UTRN: variants seen among roughly 807,000 people sequenced by gnomAD.
The protein encoded by UTRN is dystrophin-related protein 1.
A neutral mutation model predicts 463.9 loss-of-function variants in UTRN; 283 were observed. The observed-to-expected ratio is 0.61, with a 90% CI of 0.55 to 0.67. The LOEUF is 0.67. Ranked by LOEUF, UTRN falls within the 30% of genes least tolerant of loss-of-function variation. The pLI is 0.00. For synonymous variants in UTRN, 1,442 were observed against 1,431.5 expected (o/e 1.01, Z -0.17); for missense variants, 3,922 against 4,084.3 (o/e 0.96, Z 1.08).
At position 144,819,037 on chromosome 6, in the gene UTRN, A is replaced by G. The variant is rs146096636; in HGVS notation, c.9358-1845A>G. ...TTTTTCTTCTGCACTTTTGCTTTGC[A>G]TTTGGGAAGCCCTATATCCATATAA... On this transcript the variant is annotated intron_variant, in intron 65 of 74. Transcript: ENST00000367545. Among the ~76,000 whole-genome samples, 663 of 151,740 alleles carry G rather than the reference A, an allele frequency of 4.4e-3. 2 individuals carry two copies. The highest frequency in any genetic ancestry group is 8.8e-3 in the Admixed American group (134 of 15,244).
At position 144,485,533 on chromosome 6, in the gene UTRN, A is replaced by T; in HGVS notation, c.3822+14A>T. ...GAAGCCCTGGAGGTTGGAACCCGTGATCTCCACGGCATTTCTCTTTGCTGT... is the reference window on the plus strand; with the variant it reads ...GAAGCCCTGGAGGTTGGAACCCGTGTTCTCCACGGCATTTCTCTTTGCTGT... On this transcript the variant is annotated intron_variant, in intron 28 of 74. Transcript: ENST00000367545. 1 of 1,614,024 alleles carries T rather than the reference A, an allele frequency of 6.2e-7. No individual in the cohort carries two copies. The highest frequency in any genetic ancestry group is 8.5e-7 in the Non-Finnish European group (1 of 1,179,932).
Position 144,795,307 on chromosome 6 carries a change from T to C in UTRN, c.9078+1316T>C, listed in dbSNP as rs148214551. Among the ~76,000 whole-genome samples the C allele has an allele frequency of 7.8e-3, 1,189 of 152,300 alleles. 18 individuals are homozygous for C. Among genetic ancestry groups the C allele is most frequent in the African/African-American group, 0.026 (1,074 of 41,558 alleles). On this transcript the variant is annotated intron_variant, in intron 63 of 74. Coordinates refer to ENST00000367545, the MANE Select transcript of UTRN (RefSeq NM_007124.3). The stretch of plus-strand genomic sequence containing the variant: ...TTGGGTTGGTTCCAACTCTTTGCTA[T>C]TGTGAATAGTGCCTCAGTAAACATA...
At chr6:144,406,988 A>G (rs1022763505) in intron 3 of UTRN, among the ~76,000 whole-genome samples, 3 of 151,326 alleles carry the variant, frequency 2.0e-5, no homozygotes, top group East Asian at 2.0e-4. Flanking sequence ...TCCTTTCTCT[A>G]TCTCTTCCTG....
intron 34 of UTRN, among the ~76,000 whole-genome samples, chr6:144,500,354 C>T (rs1467412705): frequency 6.6e-6 from 1 of 152,134 alleles, no homozygotes; most frequent in Non-Finnish European, 1.5e-5. Flanking sequence ...ATTTGCATTT[C>T]TCTAATGTTA....
At chr6:144,725,955 C>G (rs1787831594) in intron 53 of UTRN, among the ~76,000 whole-genome samples, 1 of 152,166 alleles carries the variant, frequency 6.6e-6, no homozygotes, top group Admixed American at 6.5e-5. Flanking sequence ...GCCTCCTGTA[C>G]TTCCCTACAT....
chr6:144,412,955 A>G (rs1045880463), intron 3 of UTRN, among the ~76,000 whole-genome samples: 2 of 152,158 alleles, frequency 1.3e-5, no homozygotes, highest in African/African-American at 4.8e-5. Context: ...AGCATTTAAA[A>G]TCTGTTATCT....
chr6:144,645,660 C>G (rs1365315502), intron 51 of UTRN, among the ~76,000 whole-genome samples: 1 of 152,086 alleles, frequency 6.6e-6, no homozygotes, highest in African/African-American at 2.4e-5. Flanking sequence ...AGAAGACACC[C>G]TTAAAGGTGA....
rs184818875 is a variant in UTRN, at chr6:144,807,023, G to A, written c.9357+3876G>A. Among the ~76,000 whole-genome samples the A allele has an allele frequency of 1.1e-4, 17 of 152,184 alleles. 1 individual carries two copies. The East Asian group carries it at 3.3e-3, about 29-fold the overall frequency. ...TGTCTGCCTTAGAAAATGAACTCAAGTGTGAATTTGTTTGGTACAGTGATA... is the reference window on the plus strand; with the variant it reads ...TGTCTGCCTTAGAAAATGAACTCAAATGTGAATTTGTTTGGTACAGTGATA... On this transcript the variant is annotated intron_variant, in intron 65 of 74. Transcript: ENST00000367545.
At chr6:144,429,143 T>TA (rs1785563691) in intron 8 of UTRN, among the ~76,000 whole-genome samples, 2 of 152,346 alleles carry the variant, frequency 1.3e-5, no homozygotes, top group African/African-American at 4.8e-5. Context: ...AAGTAAGAGT[T>TA]AAAGTTTTAA....
At chr6:144,706,512 A>G (rs6927255) in intron 53 of UTRN, among the ~76,000 whole-genome samples, 79,535 of 151,770 alleles carry the variant, frequency 0.52, 25,059 homozygotes, top group East Asian at 0.88. Flanking sequence ...AGGAAAAATA[A>G]CTTTATTTTG....
intron 66 of UTRN, among the ~76,000 whole-genome samples, chr6:144,826,462 G>T (rs922204094): frequency 6.6e-6 from 1 of 152,002 alleles, no homozygotes; most frequent in Non-Finnish European, 1.5e-5. Context: ...TACTGTAAAT[G>T]TTCTACATTC....
chr6:144,634,278 T>C lies in UTRN; in HGVS notation c.7480-44128T>C, dbSNP rs547674973. 3.9e-5 allele frequency among the ~76,000 whole-genome samples: 6 copies of C among 152,262 alleles called. No homozygotes were observed. The South Asian group carries it at 1.2e-3, about 32-fold the overall frequency. ...CCTGAAGTATCTTGAATTGAGGAGCTTGGGTGAAGAAGTCCTGGTATCAGT... is the reference window on the plus strand; with the variant it reads ...CCTGAAGTATCTTGAATTGAGGAGCCTGGGTGAAGAAGTCCTGGTATCAGT... On this transcript the variant is annotated intron_variant, in intron 51 of 74. Transcript: ENST00000367545.
intron 45 of UTRN, 56 bp downstream of exon 45, chr6:144,539,499 G>A: frequency 2.7e-6 from 4 of 1,503,810 alleles, no homozygotes; most frequent in Non-Finnish European, 3.6e-6. Flanking sequence ...TGTTGTCAGA[G>A]ATGTGGGATC....
intron 33 of UTRN, among the ~76,000 whole-genome samples, chr6:144,498,526 A>G (rs1793872382): frequency 6.6e-6 from 1 of 152,218 alleles, no homozygotes; most frequent in African/African-American, 2.4e-5. Context: ...TCAAGTTACT[A>G]TAATACCGTA....
intron 58 of UTRN, among the ~76,000 whole-genome samples, chr6:144,767,752 A>G (rs1793518174): frequency 6.6e-6 from 1 of 151,902 alleles, no homozygotes; most frequent in African/African-American, 2.4e-5. Context: ...AAGAAGAAAT[A>G]TTTTTTTCTT....
chr6:144,340,842 C>T (rs1777088305), intron 2 of UTRN, among the ~76,000 whole-genome samples: 2 of 152,164 alleles, frequency 1.3e-5, no homozygotes, highest in Non-Finnish European at 2.9e-5. Context: ...TCAAAAGCGC[C>T]CCCCTATTGA....
chr6:144,318,835 C>A (rs1016317420), intron 2 of UTRN, among the ~76,000 whole-genome samples: 1 of 152,150 alleles, frequency 6.6e-6, no homozygotes, highest in East Asian at 1.9e-4. Context: ...CTTTGGCCGG[C>A]GTAGGCAGGC....
intron 54 of UTRN, among the ~76,000 whole-genome samples, chr6:144,734,677 A>G (rs1247130992): frequency 6.6e-6 from 1 of 152,170 alleles, no homozygotes; most frequent in Non-Finnish European, 1.5e-5. Flanking sequence ...CACCACGTCT[A>G]CTATGCTTTC....
In UTRN at chr6:144,493,430, G is replaced by A; in HGVS notation, c.4567G>A (p.Val1523Ile). The A allele has an allele frequency of 6.2e-7, 1 of 1,613,940 alleles. No homozygotes were observed. Among genetic ancestry groups the A allele is most frequent in the Non-Finnish European group, 8.5e-7 (1 of 1,179,880 alleles). Residue 1523 changes from valine (V) to isoleucine (I), a missense_variant, in exon 33 of 75, where the codon GTT becomes ATT. Transcript: ENST00000367545. ...GMDEQLTSLK[V>I]LYNDLGAQVT... ...GGATGAGCAGCTGACTTCCCTGAAG[G>A]TTCTTTACAATGACCTGGGCGCACA...
Sources: gnomAD v4.1 joint callset for allele counts (sites outside exome capture counted in the v4.1 genomes callset) on GRCh38, gnomAD v4.1.1 for gene constraint, MANE v1.5 for transcripts, NCBI Gene and HGNC (gene_info 2026-07-23, HGNC 2026-07-21) for gene names.